The following GRID1 variants were observed in gnomAD, a reference collection of about 807,000 sequenced individuals.
GRID1 encodes the protein glutamate receptor ionotropic, delta-1.
Under a neutral mutation model 98.0 loss-of-function variants are expected in GRID1, and 28 were observed. The ratio of observed to expected loss-of-function variants is 0.29; its 90% CI spans 0.21 to 0.39. The LOEUF is 0.39. Ranked by LOEUF, GRID1 falls within the 10% of genes least tolerant of loss-of-function variation. The pLI, the probability that GRID1 is intolerant of heterozygous loss-of-function variation, is 1.00. For synonymous variants in GRID1, 553 were observed against 538.5 expected (o/e 1.03, Z -0.37); for missense variants, 1,111 against 1,340.5 (o/e 0.83, Z 2.67).
At chr10:85,776,625 G>T (rs1842334014) in intron 8 of GRID1, among the ~76,000 whole-genome samples, 1 of 152,158 alleles carries the variant, frequency 6.6e-6, no homozygotes, top group Non-Finnish European at 1.5e-5. Context: ...TTAGAATGGA[G>T]GACTCTACCA....
intron 3 of GRID1, among the ~76,000 whole-genome samples, chr10:86,159,109 T>C (rs531060303): frequency 6.6e-6 from 1 of 152,184 alleles, no homozygotes; most frequent in Non-Finnish European, 1.5e-5. Context: ...TTAGTCAGGA[T>C]GGTCTCAATC....
chr10:85,680,311 C>T (rs886547812), intron 12 of GRID1, among the ~76,000 whole-genome samples: 5 of 152,228 alleles, frequency 3.3e-5, no homozygotes, highest in South Asian at 2.1e-4. Context: ...CTGCCCCTGG[C>T]GACTACACCC....
intron 4 of GRID1, among the ~76,000 whole-genome samples, chr10:86,035,677 G>A (rs2131895745): frequency 6.6e-6 from 1 of 152,300 alleles, no homozygotes; most frequent in South Asian, 2.1e-4. Context: ...CCCTGGGCTA[G>A]GCACTAGGTG....
chr10:85,843,588 A>C (rs983500926), intron 8 of GRID1, among the ~76,000 whole-genome samples: 4 of 152,086 alleles, frequency 2.6e-5, no homozygotes, highest in African/African-American at 9.7e-5. Flanking sequence ...AAAACTCAAC[A>C]GTACAATATA....
At chr10:86,253,454 G>A (rs1272277580) in intron 2 of GRID1, among the ~76,000 whole-genome samples, 1 of 152,240 alleles carries the variant, frequency 6.6e-6, no homozygotes, top group East Asian at 1.9e-4. Context: ...TGGGGCCATC[G>A]TTCTGTGGCA....
At chr10:86,034,902 GTGGA>G (rs59211171) in intron 4 of GRID1, among the ~76,000 whole-genome samples, 62,334 of 143,584 alleles carry the variant, frequency 0.43, 13,372 homozygotes, top group South Asian at 0.49. Flanking sequence ...CAATGGATTG[GTGGA>G]TGGATGGATG....
chr10:86,097,230 TG>T (rs1427977189), intron 4 of GRID1, among the ~76,000 whole-genome samples: 1 of 152,206 alleles, frequency 6.6e-6, no homozygotes, highest in African/African-American at 2.4e-5. Flanking sequence ...TCCATAATCA[TG>T]TGAGCCAATC....
At chr10:85,817,511 G>T (rs192464920) in intron 8 of GRID1, among the ~76,000 whole-genome samples, 1 of 151,202 alleles carries the variant, frequency 6.6e-6, no homozygotes, top group African/African-American at 2.4e-5. Context: ...GGATGACAGA[G>T]CAAGACTCTA....
At chr10:85,866,569 C>CA (rs1467442423) in intron 6 of GRID1, among the ~76,000 whole-genome samples, 1 of 151,864 alleles carries the variant, frequency 6.6e-6, no homozygotes, top group Non-Finnish European at 1.5e-5. Flanking sequence ...TTTTGGCACT[C>CA]AAAAATTTCA....
intron 2 of GRID1, among the ~76,000 whole-genome samples, chr10:86,239,122 C>T (rs551179327): frequency 1.1e-4 from 17 of 152,340 alleles, no homozygotes; most frequent in South Asian, 1.0e-3. Context: ...GGGACAGAGC[C>T]GCCCAAGGCC....
chr10:85,714,331 T>C (rs1590201491), intron 12 of GRID1, among the ~76,000 whole-genome samples: 2 of 151,984 alleles, frequency 1.3e-5, no homozygotes, highest in African/African-American at 2.4e-5. Context: ...GTGATGAAAT[T>C]ATCTGTACAT....
At chr10:86,187,147 GGCTCA>G (rs1193812378) in intron 3 of GRID1, among the ~76,000 whole-genome samples, 1 of 152,086 alleles carries the variant, frequency 6.6e-6, no homozygotes, top group East Asian at 1.9e-4. Flanking sequence ...GGCGGGGCGG[GGCTCA>G]GACCTCTTTT....
chr10:86,141,411 C>T (rs1167282900), intron 3 of GRID1, among the ~76,000 whole-genome samples: 3 of 152,164 alleles, frequency 2.0e-5, no homozygotes, highest in Non-Finnish European at 2.9e-5. Flanking sequence ...GCTCAGGAGC[C>T]CCAACCAGAA....
At chr10:86,107,235 T>C (rs1589373492) in intron 4 of GRID1, among the ~76,000 whole-genome samples, 1 of 152,234 alleles carries the variant, frequency 6.6e-6, no homozygotes, top group East Asian at 1.9e-4. Flanking sequence ...CACTGCCCGA[T>C]AGCTGCTCTG....
intron 4 of GRID1, among the ~76,000 whole-genome samples, chr10:85,982,945 C>T (rs1842563891): frequency 6.6e-6 from 1 of 152,212 alleles, no homozygotes; most frequent in Non-Finnish European, 1.5e-5. Flanking sequence ...AAAAAGACAA[C>T]CTGGCACTTT....
chr10:85,955,469 C>T (rs540386639), intron 4 of GRID1, among the ~76,000 whole-genome samples: 25 of 152,200 alleles, frequency 1.6e-4, no homozygotes, highest in South Asian at 1.0e-3. Context: ...GGCCTCTGCC[C>T]GGTCCCCTAC....
At chr10:86,318,112 TG>T (rs986943966) in intron 2 of GRID1, among the ~76,000 whole-genome samples, 2 of 152,230 alleles carry the variant, frequency 1.3e-5, no homozygotes, top group Non-Finnish European at 2.9e-5. Context: ...CCCAGGTGCT[TG>T]GGGAGCCTCA....
At chr10:85,962,560 C>T (rs1211162574) in intron 4 of GRID1, among the ~76,000 whole-genome samples, 3 of 152,132 alleles carry the variant, frequency 2.0e-5, no homozygotes, top group Non-Finnish European at 4.4e-5. Context: ...CAGATGTGTC[C>T]AGCACAACCT....
intron 4 of GRID1, among the ~76,000 whole-genome samples, chr10:85,962,297 G>A (rs1483910576): frequency 1.3e-5 from 2 of 152,290 alleles, no homozygotes; most frequent in African/African-American, 4.8e-5. Context: ...TCTGGTGACT[G>A]GATGGAAGTG....
Sources: allele counts gnomAD v4.1 joint callset (sites outside exome capture counted in the v4.1 genomes callset), GRCh38; gene constraint gnomAD v4.1.1; transcripts MANE v1.5; gene names NCBI Gene and HGNC (gene_info 2026-07-23, HGNC 2026-07-21).